Variants in PLS3 observed in about 807,000 individuals in gnomAD.
The protein encoded by PLS3 is plastin 3.
PLS3 carries 11 observed loss-of-function variants against 46.5 expected under a neutral mutation model. That is an observed-to-expected ratio of 0.24 (90% CI 0.15 to 0.39). PLS3 has a LOEUF of 0.39. Ranked by LOEUF, PLS3 falls within the 10% of genes least tolerant of loss-of-function variation. PLS3 has a pLI of 1.00. For missense variants in PLS3, 308 were observed against 461.8 expected, an observed-to-expected ratio of 0.67 and a Z score of 3.05; for synonymous variants, 167 against 162.2, an observed-to-expected ratio of 1.03 and a Z score of -0.22.
In PLS3 at chrX:115,636,406, G is replaced by C. The variant is rs782283012; in HGVS notation, c.749-430G>C. Among the ~76,000 whole-genome samples the C allele has an allele frequency of 2.0e-4, 22 of 110,457 alleles. No individual in the cohort carries two copies. The South Asian group carries it at 7.1e-3, about 35-fold the overall frequency. On this transcript the variant is annotated intron_variant, in intron 7 of 15. Transcript: ENST00000355899. ...AATTTTTAGTAGAGATGGGGTTTCAGCGTGTTAGCCAGGATGGTCTTGATC... is the reference window on the plus strand; with the variant it reads ...AATTTTTAGTAGAGATGGGGTTTCACCGTGTTAGCCAGGATGGTCTTGATC...
intron 1 of PLS3, among the ~76,000 whole-genome samples, chrX:115,589,092 C>T (rs1371034972): frequency 3.6e-5 from 4 of 110,911 alleles, no homozygotes; most frequent in African/African-American, 6.6e-5. Context: ...CTCAGCCTCC[C>T]AAGTAGCTGG....
chrX:115,562,071 G>A (rs112102267), intron 1 of PLS3, among the ~76,000 whole-genome samples: 2 of 110,340 alleles, frequency 1.8e-5, no homozygotes, highest in African/African-American at 6.6e-5. Context: ...GGCAGTCCCG[G>A]ACCTCTCCCG....
In PLS3 at chrX:115,629,319, C is replaced by T. The variant is rs1305683228; in HGVS notation, c.359C>T (p.Ser120Phe). ...SELSSEGTQH[S>F]YSEEEKYAFV... ...TTGTCCAGCGAAGGAACACAGCATTCTTACTCAGGTAATCATTTTATATGC... is the reference window on the plus strand; with the variant it reads ...TTGTCCAGCGAAGGAACACAGCATTTTTACTCAGGTAATCATTTTATATGC... The change falls in exon 4 of 16, where the codon TCT becomes TTT. Residue 120 changes from serine (S) to phenylalanine (F), a missense_variant. This residue lies in a region of PLS3 where 271 missense variants were observed against 435.7 expected (regional missense o/e 0.62). Transcript: ENST00000355899. 3.3e-6 allele frequency: 4 copies of T among 1,199,258 alleles called. No individual in the cohort carries two copies. The highest frequency in any genetic ancestry group is 4.5e-6 in the Non-Finnish European group (4 of 889,132).
intron 1 of PLS3, among the ~76,000 whole-genome samples, chrX:115,599,359 T>G (rs868933065): frequency 2.3e-5 from 2 of 86,883 alleles, no homozygotes; most frequent in East Asian, 3.6e-4. Context: ...AAAAAAGAAA[T>G]AAAAATTAAA....
intron 9 of PLS3, 59 bp from the exon 10 acceptor site, chrX:115,643,254 G>T: frequency 1.3e-6 from 1 of 753,440 alleles, no homozygotes; most frequent in Non-Finnish European, 2.0e-6. Context: ...TGACAGTGGG[G>T]AAATTTTCTA....
Position 115,610,270 on chromosome X carries a change from C to T in PLS3, c.20C>T (p.Thr7Ile). The change falls in exon 2 of 16, where the codon ACT becomes ATT. Residue 7 changes from threonine (T) to isoleucine (I), a missense_variant. Physicochemically the swap from Thr to Ile is moderately conservative, Grantham distance 89. Around this residue, in one of 2 missense-constraint regions of PLS3, gnomAD observed 37 missense variants for 26.1 expected, o/e 1.42. Transcript: ENST00000355899. MDEMAT[T>I]QISKDELDEL... ...CTTTAAATGGATGAGATGGCTACCACTCAGATTTCCAAAGATGAGCTTGAT... is the reference window on the plus strand; with the variant it reads ...CTTTAAATGGATGAGATGGCTACCATTCAGATTTCCAAAGATGAGCTTGAT... 2 of 1,163,936 alleles carry T rather than the reference C, an allele frequency of 1.7e-6. No individual in the cohort carries two copies. Among genetic ancestry groups the T allele is most frequent in the Non-Finnish European group, 2.3e-6 (2 of 864,405 alleles).
chrX:115,638,876 C>A (rs1355732546), intron 8 of PLS3, among the ~76,000 whole-genome samples: 1 of 109,200 alleles, frequency 9.2e-6, no homozygotes, highest in Admixed American at 9.8e-5. Context: ...CCATGCCTGG[C>A]TAATTTTTTT....
intron 1 of PLS3, among the ~76,000 whole-genome samples, chrX:115,591,659 G>A (rs782286944): frequency 8.9e-6 from 1 of 111,818 alleles, no homozygotes; most frequent in Non-Finnish European, 1.9e-5. Context: ...TCTTACCTGA[G>A]GCAGTTTCCT....
At chrX:115,628,200 A>G (rs1196141767) in intron 3 of PLS3, among the ~76,000 whole-genome samples, 2 of 112,205 alleles carry the variant, frequency 1.8e-5, no homozygotes, top group African/African-American at 6.5e-5. Flanking sequence ...TGTTATGTAT[A>G]TTGTAACCCT....
chrX:115,573,393 A>G (rs1452112563), intron 1 of PLS3, among the ~76,000 whole-genome samples: 1 of 112,365 alleles, frequency 8.9e-6, no homozygotes, highest in Non-Finnish European at 1.9e-5. Context: ...TTGGAATAAA[A>G]TAGCCCTTTG....
chrX:115,645,475 G>C (rs1193686225), intron 11 of PLS3, among the ~76,000 whole-genome samples: 1 of 109,410 alleles, frequency 9.1e-6, no homozygotes, highest in Non-Finnish European at 1.9e-5. Flanking sequence ...CTATCTCTAA[G>C]AGGGAAAAAA....
At chrX:115,633,393 A>G (rs1189311773) in intron 5 of PLS3, among the ~76,000 whole-genome samples, 3 of 109,585 alleles carry the variant, frequency 2.7e-5, no homozygotes, top group Non-Finnish European at 5.7e-5. Context: ...CTGTTTTCCA[A>G]CTCCTGACCT....
intron 2 of PLS3, chrX:115,610,891 A>G: frequency 9.4e-7 from 1 of 1,064,616 alleles, no homozygotes; most frequent in Non-Finnish European, 1.3e-6. Flanking sequence ...ATCATCATAT[A>G]ACATGCCTTA....
intron 1 of PLS3, among the ~76,000 whole-genome samples, chrX:115,598,462 C>T (rs969309363): frequency 9.0e-6 from 1 of 110,868 alleles, no homozygotes; most frequent in Non-Finnish European, 1.9e-5. Flanking sequence ...TTTTGACTCC[C>T]TTATTTTGAC....
chrX:115,598,193 AG>A (rs1371524864), intron 1 of PLS3, among the ~76,000 whole-genome samples: 1 of 108,280 alleles, frequency 9.2e-6, no homozygotes, highest in Admixed American at 1.0e-4. Flanking sequence ...CCAGTTACTC[AG>A]GGGGCTAAGG....
intron 1 of PLS3, among the ~76,000 whole-genome samples, chrX:115,573,429 T>A (rs2522180): frequency 0.022 from 2,451 of 112,201 alleles, 30 homozygotes; most frequent in Non-Finnish European, 0.033. Context: ...ACACCCCATT[T>A]AGTTTTTACA....
intron 5 of PLS3, among the ~76,000 whole-genome samples, chrX:115,630,753 T>A (rs1243680149): frequency 1.1e-5 from 1 of 93,424 alleles, no homozygotes; most frequent in African/African-American, 4.2e-5. Context: ...TTTACACATA[T>A]ATATTTTATA....
chrX:115,649,888 T>G lies in PLS3; in HGVS notation c.*327T>G. 1 of 148,642 alleles carries G rather than the reference T, an allele frequency of 6.7e-6. No homozygotes were observed. The highest frequency in any genetic ancestry group is 7.5e-5 in the Admixed American group (1 of 13,249). 12.2% of individuals were successfully genotyped at this position (148,642 alleles called of 1,213,427 possible). On this transcript the variant is annotated 3_prime_UTR_variant, in exon 16 of 16. Coordinates refer to ENST00000355899, the MANE Select transcript of PLS3 (RefSeq NM_005032.7). ...CTTGCTCTGTTATCTTTTGCCCTCT[T>G]AGAATGTCCCTCTCTTGGGACTTGC... is the stretch of plus-strand genomic sequence containing the variant.
chrX:115,567,269 GAT>G (rs1365416752), intron 1 of PLS3, among the ~76,000 whole-genome samples: 3 of 111,377 alleles, frequency 2.7e-5, no homozygotes, highest in African/African-American at 9.8e-5. Flanking sequence ...TAGTGGAAGA[GAT>G]AATCTATACA....
Sources: allele counts gnomAD v4.1 joint callset (sites outside exome capture counted in the v4.1 genomes callset), GRCh38; gene constraint gnomAD v4.1.1; regional missense constraint gnomAD v4.1.1; transcripts MANE v1.5; gene names NCBI Gene and HGNC (gene_info 2026-07-23, HGNC 2026-07-21).